The following ABCC1 variants were observed in gnomAD, a reference collection of about 807,000 sequenced individuals.
ABCC1 encodes ATP binding cassette subfamily C member 1 (ABCC1 blood group), also known as multidrug resistance-associated protein 1.
In ABCC1, 83 loss-of-function variants were observed where a neutral mutation model predicts 172.9. The ratio of observed to expected loss-of-function variants is 0.48; its 90% CI spans 0.40 to 0.58. ABCC1 has a LOEUF of 0.58. Among genes scored for constraint, ABCC1 ranks in the 20% least tolerant of loss-of-function variants. The pLI is 0.00. For synonymous variants in ABCC1, 937 were observed against 825.2 expected, an observed-to-expected ratio of 1.14 and a Z score of -2.32; for missense variants, 1,817 against 2,002.7, an observed-to-expected ratio of 0.91 and a Z score of 1.77.
intron 8 of ABCC1, 104 bp downstream of exon 8, chr16:16,044,784 G>A: frequency 9.7e-7 from 1 of 1,030,070 alleles, no homozygotes; most frequent in Non-Finnish European, 1.5e-6. Flanking sequence ...CCTGAAGTGG[G>A]CTCATAGCCA....
chr16:15,991,083 G>A (rs1442408399), intron 1 of ABCC1, among the ~76,000 whole-genome samples: 1 of 152,092 alleles, frequency 6.6e-6, no homozygotes, highest in Non-Finnish European at 1.5e-5. Context: ...TGTGAGTGAC[G>A]CTCCAGTGAA....
chr16:16,072,792 A>G (rs1398510009), intron 14 of ABCC1, among the ~76,000 whole-genome samples: 1 of 151,916 alleles, frequency 6.6e-6, no homozygotes, highest in Non-Finnish European at 1.5e-5. Flanking sequence ...CTGTAATCCC[A>G]GCACTTTGGG....
At chr16:16,007,214 T>TTGTGTGTG (rs71388788) in intron 1 of ABCC1, among the ~76,000 whole-genome samples, 2,541 of 145,828 alleles carry the variant, frequency 0.017, 53 homozygotes, top group Admixed American at 0.061. Flanking sequence ...GTATGCACTG[T>TTGTGTGTG]TGTGTGTGTG....
intron 9 of ABCC1, 113 bp downstream of exon 9, chr16:16,046,126 G>A: frequency 5.8e-6 from 7 of 1,216,606 alleles, no homozygotes; most frequent in Non-Finnish European, 8.1e-6. Flanking sequence ...GGAGCAGTAG[G>A]ATGAGGGTAG....
At position 16,125,860 on chromosome 16, in the gene ABCC1, C is replaced by T. The variant is rs765851529; in HGVS notation, c.3768C>T (p.Thr1256=). ...TTCGGATGTCATCTGAAATGGAAAC[C>T]AACATCGTGGCCGTGGAGAGGCTCA... ...WLVRMSSEME[T]NIVAVERLKE... Residue 1256 remains threonine (T), a synonymous_variant, in exon 26 of 31, where the codon ACC becomes ACT. Transcript: ENST00000399410. 2 of 1,614,048 alleles carry T rather than the reference C, an allele frequency of 1.2e-6. No homozygotes were observed. The highest frequency in any genetic ancestry group is 1.7e-6 in the Non-Finnish European group (2 of 1,179,994).
In ABCC1 at chr16:16,136,723, C is replaced by G. The variant is rs2045931508; in HGVS notation, c.4292+79C>G. On this transcript the variant is annotated intron_variant, in intron 29 of 30. Coordinates refer to ENST00000399410, the MANE Select transcript of ABCC1 (RefSeq NM_004996.4). ...GGTAGGGGTGTTTGAAGATTCTGTCCAGATCTGTGTCACCTGGATTTGAGT... is the reference window on the plus strand; with the variant it reads ...GGTAGGGGTGTTTGAAGATTCTGTCGAGATCTGTGTCACCTGGATTTGAGT... The G allele has an allele frequency of 2.7e-6, 4 of 1,488,392 alleles. No individual in the cohort carries two copies. The East Asian group carries it at 9.5e-5, about 36-fold the overall frequency. 92.2% of individuals were successfully genotyped at this position (1,488,392 alleles called of 1,614,324 possible).
At chr16:16,041,334 T>C (rs915461751) in intron 7 of ABCC1, among the ~76,000 whole-genome samples, 1 of 152,146 alleles carries the variant, frequency 6.6e-6, no homozygotes. Context: ...CAGGTTTTAA[T>C]TGTACAAGTT....
chr16:16,132,510 GTTTTTTTTTTTTTTTT>G (rs71137915), intron 27 of ABCC1, among the ~76,000 whole-genome samples: 1 of 37,298 alleles, frequency 2.7e-5, no homozygotes, highest in Non-Finnish European at 5.0e-5. Context: ...TTGGTTGGTT[GTTTTTTTTTTTTTTTT>G]TTTTTTTTTT....
At chr16:16,025,155 G>A (rs367950091) in intron 5 of ABCC1, among the ~76,000 whole-genome samples, 5 of 152,250 alleles carry the variant, frequency 3.3e-5, no homozygotes, top group Admixed American at 2.0e-4. Flanking sequence ...CAGTGTTTAC[G>A]TTATACTGGC....
At chr16:16,122,214 G>A (rs370532485) in intron 24 of ABCC1, 40 bp downstream of exon 24, 81 of 1,600,270 alleles carry the variant, frequency 5.1e-5, no homozygotes, top group African/African-American at 8.0e-5. Flanking sequence ...GGAGGAGGCC[G>A]CCTTAGCACC....
intron 1 of ABCC1, among the ~76,000 whole-genome samples, chr16:15,989,749 T>C (rs1451870922): frequency 6.6e-6 from 1 of 152,168 alleles, no homozygotes; most frequent in African/African-American, 2.4e-5. Context: ...TGTTCCTCTC[T>C]GTAAAAGTGG....
chr16:16,050,443 A>G (rs1280041554), intron 10 of ABCC1, among the ~76,000 whole-genome samples: 3 of 152,056 alleles, frequency 2.0e-5, no homozygotes, highest in Admixed American at 2.0e-4. Flanking sequence ...TGGGCAACAG[A>G]GCGAGACTCT....
chr16:16,043,222 GTTTTTT>G (rs147161637), intron 7 of ABCC1, among the ~76,000 whole-genome samples: 2 of 89,508 alleles, frequency 2.2e-5, no homozygotes, highest in East Asian at 3.4e-4. Context: ...TGGCTGGACT[GTTTTTT>G]TTTTTTTTTT....
At chr16:16,115,707 A>G (rs2044830138) in intron 23 of ABCC1, among the ~76,000 whole-genome samples, 1 of 152,092 alleles carries the variant, frequency 6.6e-6, no homozygotes, top group African/African-American at 2.4e-5. Context: ...GGCAGGAACT[A>G]AACAAAAAAC....
At chr16:16,040,064 T>TTGTTTGTA (rs1555487637) in intron 7 of ABCC1, among the ~76,000 whole-genome samples, 8 of 134,780 alleles carry the variant, frequency 5.9e-5, no homozygotes, top group Admixed American at 1.5e-4. Context: ...GTTTGTTTGT[T>TTGTTTGTA]TGTATGTATG....
chr16:16,122,222 A>C (rs2045200238), intron 24 of ABCC1, 48 bp downstream of exon 24: 1 of 1,596,080 alleles, frequency 6.3e-7, no homozygotes, highest in South Asian at 1.1e-5. Context: ...CCGCCTTAGC[A>C]CCTTGTCTCT....
intron 5 of ABCC1, among the ~76,000 whole-genome samples, chr16:16,028,558 G>T (rs79314289): frequency 2.0e-5 from 3 of 152,146 alleles, no homozygotes; most frequent in African/African-American, 4.8e-5. Context: ...TAACCCACCC[G>T]CCGACTGTGG....
chr16:16,084,656 C>G (rs1659135672), intron 17 of ABCC1, among the ~76,000 whole-genome samples: 1 of 146,696 alleles, frequency 6.8e-6, no homozygotes, highest in African/African-American at 2.5e-5. Context: ...AATGGAGTCT[C>G]TCTCTGTCGC....
intron 1 of ABCC1, among the ~76,000 whole-genome samples, chr16:16,002,501 G>A (rs138855963): frequency 3.9e-5 from 6 of 152,266 alleles, no homozygotes; most frequent in Admixed American, 6.5e-5. Flanking sequence ...GGCTGTGTGC[G>A]GTGGTTCACA....
Sources: gnomAD v4.1 joint callset for allele counts (sites outside exome capture counted in the v4.1 genomes callset) on GRCh38, gnomAD v4.1.1 for gene constraint, MANE v1.5 for transcripts, NCBI Gene and HGNC (gene_info 2026-07-23, HGNC 2026-07-21) for gene names.